ZRANB3: variants seen among roughly 807,000 people sequenced by gnomAD.
The protein encoded by ZRANB3 is DNA annealing helicase and endonuclease ZRANB3.
Under a neutral mutation model 133.8 loss-of-function variants are expected in ZRANB3, and 125 were observed. The ratio of observed to expected loss-of-function variants is 0.93; its 90% confidence interval spans 0.81 to 1.08. ZRANB3 has a LOEUF of 1.08. Among genes scored for constraint, ZRANB3 ranks in the 50% least tolerant of loss-of-function variants. ZRANB3 has a pLI of 0.00. For synonymous variants in ZRANB3, 387 were observed against 432.7 expected, an observed-to-expected ratio of 0.89 and a Z score of 1.31; for missense variants, 1,229 against 1,275.5, an observed-to-expected ratio of 0.96 and a Z score of 0.56.
At chr2:135,250,599 C>A (rs1039531394) in intron 12 of ZRANB3, among the ~76,000 whole-genome samples, 11 of 152,246 alleles carry the variant, frequency 7.2e-5, no homozygotes, top group Non-Finnish European at 1.5e-4. Context: ...TGGTTCCCTG[C>A]ATCCCAGCTG....
At chr2:135,419,676 G>A (rs926036130) in intron 2 of ZRANB3, among the ~76,000 whole-genome samples, 1 of 150,716 alleles carries the variant, frequency 6.6e-6, no homozygotes, top group Non-Finnish European at 1.5e-5. Context: ...AAAGATAGTT[G>A]CTGGGCACAT....
chr2:135,325,936 C>A (rs1306735275), intron 6 of ZRANB3, among the ~76,000 whole-genome samples: 2 of 152,038 alleles, frequency 1.3e-5, no homozygotes, highest in Admixed American at 6.6e-5. Flanking sequence ...TTAAACAACA[C>A]CATGAGGATG....
At chr2:135,228,210 T>A in intron 13 of ZRANB3, 195 bp from the exon 14 acceptor site, 1 of 462,288 alleles carries the variant, frequency 2.2e-6, no homozygotes, top group African/African-American at 2.0e-5. Context: ...GACAGAGAAA[T>A]CCCTGCATTC....
chr2:135,492,419 C>T (rs1428254131), intron 2 of ZRANB3, among the ~76,000 whole-genome samples: 3 of 151,616 alleles, frequency 2.0e-5, no homozygotes, highest in Non-Finnish European at 4.4e-5. Flanking sequence ...ATTCAGAGGA[C>T]GAAAGGAAAG....
At chr2:135,268,842 C>T in intron 11 of ZRANB3, 120 bp downstream of exon 11, 1 of 934,222 alleles carries the variant, frequency 1.1e-6, no homozygotes, top group Middle Eastern at 2.4e-4. Context: ...CTATTATCAT[C>T]ATTATCTTGA....
In ZRANB3 at chr2:135,416,546, T is replaced by C. The variant is rs1043311054; in HGVS notation, c.162-25726A>G. Reference sequence around the variant, plus strand: ...TGGCCATACTGCCCAAGGTAATTTATAGATTCAATGCCATCCCCATCAAGC... The same window carrying C: ...TGGCCATACTGCCCAAGGTAATTTACAGATTCAATGCCATCCCCATCAAGC... On this transcript the variant is annotated intron_variant, in intron 2 of 20. Coordinates refer to ENST00000264159, the MANE Select transcript of ZRANB3 (RefSeq NM_032143.4). Among the ~76,000 whole-genome samples, 9 of 151,710 alleles carry C rather than the reference T, an allele frequency of 5.9e-5. 2 individuals carry two copies. The highest frequency in any genetic ancestry group is 1.9e-4 in the African/African-American group (8 of 41,328).
chr2:135,355,343 C>CT (rs1210193048), intron 3 of ZRANB3: 2 of 535,896 alleles, frequency 3.7e-6, no homozygotes, highest in Admixed American at 6.4e-5. Flanking sequence ...TACAGCAGAA[C>CT]TTTAACAATC....
rs143731392 is a variant in ZRANB3, at chr2:135,216,901, G to A, written c.2495+564C>T. On this transcript the variant is annotated intron_variant, in intron 17 of 20. Transcript: ENST00000264159. ...AAAGATGATTGTGATGACAAGGAAG[G>A]AAATCAATGTACAGAGATTAGAAAG... is the stretch of plus-strand genomic sequence containing the variant. Among the ~76,000 whole-genome samples, 739 of 152,280 alleles carry A rather than the reference G, an allele frequency of 4.9e-3. 2 individuals are homozygous for A. Among genetic ancestry groups the A allele is most frequent in the African/African-American group, 0.015 (620 of 41,556 alleles).
chr2:135,481,190 A>C (rs1490170513), intron 2 of ZRANB3, among the ~76,000 whole-genome samples: 1 of 151,254 alleles, frequency 6.6e-6, no homozygotes, highest in East Asian at 2.0e-4. Context: ...GAATCGCCAC[A>C]CTGACTTCCA....
intron 2 of ZRANB3, among the ~76,000 whole-genome samples, chr2:135,397,977 A>C (rs1212323839): frequency 6.6e-6 from 1 of 152,172 alleles, no homozygotes; most frequent in African/African-American, 2.4e-5. Flanking sequence ...TGAACTACAT[A>C]TCTTTGGAGA....
chr2:135,211,022 C>G (rs1396110487), intron 17 of ZRANB3, among the ~76,000 whole-genome samples: 1 of 151,744 alleles, frequency 6.6e-6, no homozygotes, highest in Non-Finnish European at 1.5e-5. Context: ...GAGAGAGACT[C>G]TGTCTCAAAA....
At chr2:135,331,416 G>A (rs1324754824) in intron 6 of ZRANB3, among the ~76,000 whole-genome samples, 1 of 152,158 alleles carries the variant, frequency 6.6e-6, no homozygotes, top group African/African-American at 2.4e-5. Flanking sequence ...ATTGGACTGT[G>A]GTCTGAGAGA....
intron 12 of ZRANB3, among the ~76,000 whole-genome samples, chr2:135,238,498 G>T (rs1012872408): frequency 6.6e-6 from 1 of 151,740 alleles, no homozygotes; most frequent in Admixed American, 6.6e-5. Flanking sequence ...AAAGTAGCTG[G>T]GATTACAGGT....
intron 14 of ZRANB3, 30 bp from the exon 15 acceptor site, chr2:135,224,547 G>T: frequency 6.5e-7 from 1 of 1,535,614 alleles, no homozygotes; most frequent in Non-Finnish European, 9.0e-7. Context: ...AGAACCTGAA[G>T]GCTTATCTAC....
At chr2:135,477,946 G>T (rs959380567) in intron 2 of ZRANB3, among the ~76,000 whole-genome samples, 2 of 151,972 alleles carry the variant, frequency 1.3e-5, no homozygotes, top group African/African-American at 4.8e-5. Flanking sequence ...CCATGATCAT[G>T]CCACCACACT....
At chr2:135,336,312 CACTTA>C (rs557142710) in intron 6 of ZRANB3, among the ~76,000 whole-genome samples, 122 of 152,306 alleles carry the variant, frequency 8.0e-4, no homozygotes, top group Non-Finnish European at 8.1e-4. Context: ...GCTGAAGCTT[CACTTA>C]ACTTATTTTG....
chr2:135,284,574 C>T (rs1208124798), intron 8 of ZRANB3, among the ~76,000 whole-genome samples: 1 of 152,230 alleles, frequency 6.6e-6, no homozygotes, highest in African/African-American at 2.4e-5. Flanking sequence ...CGGGTTCACG[C>T]CATTCTCCTG....
chr2:135,448,442 T>C (rs1224177459), intron 2 of ZRANB3, among the ~76,000 whole-genome samples: 1 of 152,192 alleles, frequency 6.6e-6, no homozygotes, highest in Non-Finnish European at 1.5e-5. Flanking sequence ...TGTAAAGTAA[T>C]AAAAGATATT....
At chr2:135,284,119 C>T (rs1681230778) in intron 8 of ZRANB3, among the ~76,000 whole-genome samples, 1 of 152,164 alleles carries the variant, frequency 6.6e-6, no homozygotes, top group Non-Finnish European at 1.5e-5. Flanking sequence ...GGGTTTGAAT[C>T]CTAGCTCCAT....
Sources: allele counts gnomAD v4.1 joint callset (sites outside exome capture counted in the v4.1 genomes callset), GRCh38; gene constraint gnomAD v4.1.1; transcripts MANE v1.5; gene names NCBI Gene and HGNC (gene_info 2026-07-23, HGNC 2026-07-21).